CUL3: variants seen among roughly 807,000 people sequenced by gnomAD.
The protein encoded by CUL3 is cullin 3.
A neutral mutation model predicts 89.1 loss-of-function variants in CUL3; 19 were observed. The ratio of observed to expected loss-of-function variants is 0.21; its 90% CI spans 0.15 to 0.31. The LOEUF (loss-of-function observed/expected upper bound fraction) is 0.31. Ranked by LOEUF, CUL3 falls within the 10% of genes least tolerant of loss-of-function variation. The pLI is 1.00. For synonymous variants in CUL3, 351 were observed against 308.4 expected (o/e 1.14, Z -1.45); for missense variants, 469 against 942.3 (o/e 0.50, Z 6.58).
At chr2:224,532,835 T>G (rs1168602247) in intron 3 of CUL3, 1 of 152,076 alleles carries the variant, frequency 6.6e-6, no homozygotes, top group Admixed American at 6.6e-5. Context: ...TAGAAAGGGA[T>G]TGACCCATAG....
intron 2 of CUL3, among the ~76,000 whole-genome samples, chr2:224,540,016 G>A (rs1224548636): frequency 1.3e-5 from 2 of 151,798 alleles, no homozygotes; most frequent in African/African-American, 4.8e-5. Flanking sequence ...ATATGTTGGG[G>A]CAGGGGTGTA....
chr2:224,502,877 C>T (rs558130875), intron 10 of CUL3, 88 bp downstream of exon 10: 1 of 879,916 alleles, frequency 1.1e-6, no homozygotes, highest in East Asian at 2.4e-5. Context: ...TTTAAAGAAA[C>T]AACTGTCATC....
At chr2:224,540,059 C>CTT (rs34875800) in intron 2 of CUL3, among the ~76,000 whole-genome samples, 1 of 140,034 alleles carries the variant, frequency 7.1e-6, no homozygotes, top group South Asian at 2.3e-4. Flanking sequence ...CATCCTCCAC[C>CTT]TTTTTTTTTT....
intron 1 of CUL3, 23 bp from the exon 2 acceptor site, chr2:224,557,879 G>GAAAAAAAAAAAAA: frequency 1.1e-4 from 8 of 75,156 alleles, no homozygotes; most frequent in Non-Finnish European, 1.7e-4. Context: ...AGAGAGAGAA[G>GAAAAAAAAAAAAA]AGACAAAAAA....
intron 10 of CUL3, among the ~76,000 whole-genome samples, chr2:224,502,541 AGAG>A (rs1299398867): frequency 3.3e-5 from 5 of 152,188 alleles, no homozygotes; most frequent in Non-Finnish European, 7.4e-5. Flanking sequence ...CTAAACTTAC[AGAG>A]GAGAATAATA....
chr2:224,506,767 T>G, intron 7 of CUL3, 91 bp downstream of exon 7: 6 of 1,052,338 alleles, frequency 5.7e-6, no homozygotes, highest in Middle Eastern at 4.3e-4. Flanking sequence ...AAGTTGAAAG[T>G]ACACAATACA....
intron 3 of CUL3, among the ~76,000 whole-genome samples, chr2:224,519,195 T>C (rs1055734588): frequency 6.6e-6 from 1 of 152,214 alleles, no homozygotes; most frequent in African/African-American, 2.4e-5. Flanking sequence ...ATGTACAAAT[T>C]ACTTAAAATA....
intron 13 of CUL3, 76 bp from the exon 14 acceptor site, chr2:224,482,154 A>T: frequency 8.8e-7 from 1 of 1,132,222 alleles, no homozygotes; most frequent in South Asian, 1.6e-5. Flanking sequence ...AAACTGACCA[A>T]GCAGTAGTTA....
At chr2:224,536,335 T>C (rs1424649219) in intron 2 of CUL3, among the ~76,000 whole-genome samples, 1 of 152,200 alleles carries the variant, frequency 6.6e-6, no homozygotes, top group Non-Finnish European at 1.5e-5. Flanking sequence ...CTCACTTTAT[T>C]TTGCTCAAAT....
At chr2:224,573,382 T>C (rs898411782) in intron 1 of CUL3, among the ~76,000 whole-genome samples, 1 of 152,242 alleles carries the variant, frequency 6.6e-6, no homozygotes, top group Admixed American at 6.5e-5. Flanking sequence ...TCTTACAGGT[T>C]ATGCTTTTGA....
intron 15 of CUL3, among the ~76,000 whole-genome samples, chr2:224,475,882 G>T (rs1691299361): frequency 6.6e-6 from 1 of 152,012 alleles, no homozygotes; most frequent in African/African-American, 2.4e-5. Context: ...TACCACAGAG[G>T]TCTTTGCTGA....
chr2:224,503,480 T>G (rs577934295), intron 9 of CUL3, among the ~76,000 whole-genome samples, 172 bp downstream of exon 9: 1 of 152,240 alleles, frequency 6.6e-6, no homozygotes, highest in Non-Finnish European at 1.5e-5. Flanking sequence ...TGAATGTCCC[T>G]GAACTTGAAC....
rs972547647 is a variant in CUL3, at chr2:224,473,419, AATTC to A, written c.*822_*825del. ...TGAATTAGTGGGTATGTGTATACTA[AATTC>A]ATTATTTTTGTCTACAATAAATGAA... On this transcript the variant is annotated 3_prime_UTR_variant, in exon 16 of 16. Coordinates refer to ENST00000264414, the MANE Select transcript of CUL3 (RefSeq NM_003590.5). The A allele has an allele frequency of 1.6e-5, 3 of 189,528 alleles. No individual in the cohort carries two copies. The highest frequency in any genetic ancestry group is 2.3e-5 in the African/African-American group (1 of 42,822). The allele number at this position is 189,528 out of a possible 1,614,324, so 11.7% of individuals were successfully genotyped here.
Position 224,473,856 on chromosome 2 carries a change from T to A in CUL3, c.*389A>T, listed in dbSNP as rs1183680000. Reference sequence around the variant, plus strand: ...TACCCAACTTACACAATGCGCAAAGTGCTAAGCAACACTACAAAACACATT... The same window carrying A: ...TACCCAACTTACACAATGCGCAAAGAGCTAAGCAACACTACAAAACACATT... On this transcript the variant is annotated 3_prime_UTR_variant, in exon 16 of 16. Coordinates refer to ENST00000264414, the MANE Select transcript of CUL3 (RefSeq NM_003590.5). The A allele has an allele frequency of 4.7e-6, 1 of 212,330 alleles. No individual in the cohort carries two copies. Among genetic ancestry groups the A allele is most frequent in the Non-Finnish European group, 9.5e-6 (1 of 104,886 alleles). 13.2% of individuals were successfully genotyped at this position (212,330 alleles called of 1,614,324 possible). A position where few individuals can be genotyped will look rare whatever the true frequency, so the allele number is the denominator to read the frequency against.
chr2:224,514,863 C>T (rs1312462261), intron 3 of CUL3, 91 bp from the exon 4 acceptor site: 1 of 920,424 alleles, frequency 1.1e-6, no homozygotes, highest in Non-Finnish European at 1.6e-6. Flanking sequence ...AATAAAATTC[C>T]AAAAGCAATC....
chr2:224,500,657 C>G (rs1324993971), intron 10 of CUL3, among the ~76,000 whole-genome samples, 170 bp from the exon 11 acceptor site: 2 of 134,524 alleles, frequency 1.5e-5, no homozygotes, highest in Admixed American at 8.1e-5. Context: ...GACAGAGTTT[C>G]GCTCGTTGCC....
chr2:224,491,336 T>A (rs559067336), intron 13 of CUL3, among the ~76,000 whole-genome samples: 47 of 152,310 alleles, frequency 3.1e-4, no homozygotes, highest in African/African-American at 1.1e-3. Context: ...CAGTTCTTGT[T>A]AAGATGATTC....
At chr2:224,513,343 C>CGAT (rs1186717107) in intron 5 of CUL3, among the ~76,000 whole-genome samples, 181 bp downstream of exon 5, 2 of 152,100 alleles carry the variant, frequency 1.3e-5, no homozygotes, top group Non-Finnish European at 2.9e-5. Flanking sequence ...AATTTGTTAT[C>CGAT]GATGAGTTGC....
chr2:224,506,057 T>A lies in CUL3; in HGVS notation c.1105A>T (p.Thr369Ser), dbSNP rs2106203392. ...SFNNDRLFKQ[T>S]IAGDFEYFLN... Reference sequence around the variant, plus strand: ...AAATACTCAAAGTCACCCGCAATAGTTTGTTTAAAGAGACGGTCATTGTTG... The same window carrying A: ...AAATACTCAAAGTCACCCGCAATAGATTGTTTAAAGAGACGGTCATTGTTG... The change falls in exon 8 of 16, where the codon ACT (threonine) becomes TCT (serine). Residue 369 changes from threonine (T) to serine (S), a missense_variant. By Grantham distance (58) the Thr-to-Ser change is moderately conservative. This residue lies in a region of CUL3 where 370 missense variants were observed against 733.2 expected (regional missense o/e 0.50). Coordinates refer to ENST00000264414, the MANE Select transcript of CUL3 (RefSeq NM_003590.5). The A allele has an allele frequency of 6.2e-7, 1 of 1,613,028 alleles. No individual in the cohort carries two copies. Among genetic ancestry groups the A allele is most frequent in the Non-Finnish European group, 8.5e-7 (1 of 1,179,310 alleles).
Sources: allele counts gnomAD v4.1 joint callset (sites outside exome capture counted in the v4.1 genomes callset), GRCh38; gene constraint gnomAD v4.1.1; regional missense constraint gnomAD v4.1.1; transcripts MANE v1.5; gene names NCBI Gene and HGNC (gene_info 2026-07-23, HGNC 2026-07-21).